Variants in DCC observed in about 807,000 individuals in gnomAD.
DCC encodes netrin receptor DCC.
DCC carries 58 observed loss-of-function variants against 172.5 expected under a neutral mutation model. The observed-to-expected ratio is 0.34, with a 90% CI of 0.27 to 0.42. DCC has a LOEUF of 0.42. DCC is among the 10% of genes least tolerant of loss of function. The pLI, the probability that DCC is intolerant of heterozygous loss-of-function variation, is 1.00. For missense variants in DCC, 1,740 were observed against 1,791.0 expected (o/e 0.97, Z 0.51); for synonymous variants, 709 against 644.5 (o/e 1.10, Z -1.52).
In DCC at chr18:53,179,006, C is replaced by T. The variant is rs1410265245; in HGVS notation, c.1463C>T (p.Thr488Ile). 1.2e-6 allele frequency: 2 copies of T among 1,613,992 alleles called. No homozygotes were observed. The highest frequency in any genetic ancestry group is 2.7e-5 in the African/African-American group (2 of 74,920). ...ACACAGCCTGGGTCCCTTCAGCTCA[C>T]TGTGGGAAACCTGAAGCCAGAAGCC... Reference protein sequence around the residue: ...NTTQPGSLQLTVGNLKPEAMY... With the variant: ...NTTQPGSLQLIVGNLKPEAMY... Residue 488 changes from threonine (T) to isoleucine (I), a missense_variant, in exon 9 of 29, where the codon ACT (threonine) becomes ATT (isoleucine). Physicochemically the swap from Thr to Ile is moderately conservative, Grantham distance 89. This residue lies in a region of DCC where 1,732 missense variants were observed against 1,767.4 expected (regional missense o/e 0.98). Coordinates refer to ENST00000442544, the MANE Select transcript of DCC (RefSeq NM_005215.4).
intron 3 of DCC, among the ~76,000 whole-genome samples, chr18:52,913,228 G>T (rs545187363): frequency 6.6e-6 from 1 of 152,066 alleles, no homozygotes; most frequent in Non-Finnish European, 1.5e-5. Flanking sequence ...AAGGTAACCA[G>T]TCTTTCACAT....
chr18:53,373,505 C>T (rs557777227), intron 15 of DCC, among the ~76,000 whole-genome samples: 9 of 152,186 alleles, frequency 5.9e-5, no homozygotes, highest in South Asian at 2.1e-4. Flanking sequence ...ATTGTTTGTA[C>T]GACTCATTAT....
At chr18:53,004,558 A>G (rs1011068389) in intron 5 of DCC, among the ~76,000 whole-genome samples, 2 of 152,200 alleles carry the variant, frequency 1.3e-5, no homozygotes, top group Admixed American at 1.3e-4. Flanking sequence ...ACAGAATCAG[A>G]GACCCCAGTG....
At chr18:53,237,133 T>C (rs1437558146) in intron 12 of DCC, 1 of 152,774 alleles carries the variant, frequency 6.5e-6, no homozygotes, top group East Asian at 1.9e-4. Context: ...TTTATATATA[T>C]GATCATTATA....
At chr18:53,057,841 A>G (rs1024197548) in intron 5 of DCC, among the ~76,000 whole-genome samples, 6 of 152,160 alleles carry the variant, frequency 3.9e-5, no homozygotes, top group African/African-American at 1.4e-4. Flanking sequence ...TAAAAAACAA[A>G]CAAACATATG....
intron 1 of DCC, among the ~76,000 whole-genome samples, chr18:52,439,588 A>T (rs1390220534): frequency 6.6e-6 from 1 of 152,170 alleles, no homozygotes; most frequent in Non-Finnish European, 1.5e-5. Flanking sequence ...AGGTGTTGAC[A>T]TTTTATGATA....
At chr18:53,486,312 A>G (rs1047264471) in intron 25 of DCC, among the ~76,000 whole-genome samples, 3 of 152,216 alleles carry the variant, frequency 2.0e-5, no homozygotes, top group African/African-American at 7.2e-5. Flanking sequence ...ACTATTGAGA[A>G]AACACTTTGC....
At chr18:52,896,645 T>C (rs1461406871) in intron 2 of DCC, among the ~76,000 whole-genome samples, 10 of 152,194 alleles carry the variant, frequency 6.6e-5, no homozygotes, top group Non-Finnish European at 7.3e-5. Flanking sequence ...TAATATAGCT[T>C]GACTGGAGGA....
intron 9 of DCC, 107 bp downstream of exon 9, chr18:53,179,223 G>GT (rs1270651550): frequency 3.5e-5 from 39 of 1,127,848 alleles, no homozygotes; most frequent in Non-Finnish European, 4.4e-5. Context: ...GCGAAGAAGA[G>GT]TTTTTTTTCT....
chr18:53,273,640 T>C (rs1415988733), intron 12 of DCC, among the ~76,000 whole-genome samples: 1 of 152,140 alleles, frequency 6.6e-6, no homozygotes, highest in Non-Finnish European at 1.5e-5. Context: ...GTTATTACAA[T>C]GGGTTTCCAT....
intron 7 of DCC, among the ~76,000 whole-genome samples, chr18:53,142,423 C>CT (rs369187346): frequency 1.3e-5 from 2 of 152,064 alleles, no homozygotes; most frequent in Admixed American, 1.3e-4. Context: ...GTCGTTGTTC[C>CT]TTTTTTTAAA....
At chr18:53,136,950 T>G (rs1383598335) in intron 7 of DCC, among the ~76,000 whole-genome samples, 1 of 152,238 alleles carries the variant, frequency 6.6e-6, no homozygotes, top group East Asian at 1.9e-4. Flanking sequence ...TGATATATAT[T>G]GAATGTCCAG....
intron 2 of DCC, among the ~76,000 whole-genome samples, chr18:52,841,331 A>AG (rs974983120): frequency 3.3e-5 from 5 of 151,930 alleles, no homozygotes; most frequent in Non-Finnish European, 7.4e-5. Context: ...AGTGCATTGT[A>AG]GGAGAGTAAG....
At chr18:53,354,448 C>T (rs563595077) in intron 15 of DCC, among the ~76,000 whole-genome samples, 14 of 152,134 alleles carry the variant, frequency 9.2e-5, no homozygotes, top group South Asian at 6.2e-4. Flanking sequence ...TTTTAATGCT[C>T]GCCATTCTAA....
At chr18:52,370,820 C>T (rs995326190) in intron 1 of DCC, among the ~76,000 whole-genome samples, 1 of 152,076 alleles carries the variant, frequency 6.6e-6, no homozygotes, top group Admixed American at 6.6e-5. Flanking sequence ...ATTGTTTAAC[C>T]ATTTTAAAAA....
intron 1 of DCC, among the ~76,000 whole-genome samples, chr18:52,555,694 C>T (rs530280911): frequency 3.3e-5 from 5 of 152,114 alleles, no homozygotes; most frequent in African/African-American, 7.2e-5. Flanking sequence ...TTGGTAATTT[C>T]GTTCTAAGAA....
chr18:52,932,808 G>C (rs1300226933), intron 5 of DCC, among the ~76,000 whole-genome samples: 3 of 151,372 alleles, frequency 2.0e-5, no homozygotes, highest in African/African-American at 7.3e-5. Context: ...CATAAACATA[G>C]TATATACATA....
intron 17 of DCC, among the ~76,000 whole-genome samples, chr18:53,396,651 T>C (rs193235914): frequency 9.5e-4 from 145 of 152,340 alleles, no homozygotes; most frequent in African/African-American, 3.2e-3. Flanking sequence ...ATGTTCTCTA[T>C]AAGATGTAAA....
chr18:52,515,136 C>A (rs924494969), intron 1 of DCC, among the ~76,000 whole-genome samples: 1 of 152,108 alleles, frequency 6.6e-6, no homozygotes, highest in Non-Finnish European at 1.5e-5. Context: ...CAGAAATAAA[C>A]CCGCATAAAT....
Sources: allele counts gnomAD v4.1 joint callset (sites outside exome capture counted in the v4.1 genomes callset), GRCh38; gene constraint gnomAD v4.1.1; regional missense constraint gnomAD v4.1.1; transcripts MANE v1.5; gene names NCBI Gene and HGNC (gene_info 2026-07-23, HGNC 2026-07-21).